PRKN: variants seen among roughly 807,000 people sequenced by gnomAD.
PRKN encodes the protein parkin RBR E3 ubiquitin protein ligase.
A neutral mutation model predicts 59.5 loss-of-function variants in PRKN; 56 were observed. The observed-to-expected ratio is 0.94, with a 90% CI of 0.76 to 1.18. The LOEUF (loss-of-function observed/expected upper bound fraction) is 1.18, where lower values mean the gene tolerates loss of function less well. PRKN is among the 50% of genes most tolerant of loss of function. The pLI, the probability that PRKN is intolerant of heterozygous loss-of-function variation, is 0.00. For missense variants in PRKN, 657 were observed against 596.4 expected (o/e 1.10, Z -1.06); for synonymous variants, 250 against 222.1 (o/e 1.13, Z -1.12).
intron 5 of PRKN, among the ~76,000 whole-genome samples, chr6:162,045,586 T>C (rs1784220260): frequency 6.6e-6 from 1 of 152,248 alleles, no homozygotes. Context: ...AAACTGGCTT[T>C]AAGGGATTTT....
intron 1 of PRKN, among the ~76,000 whole-genome samples, chr6:162,505,327 G>A (rs962939516): frequency 6.6e-6 from 1 of 152,178 alleles, no homozygotes; most frequent in African/African-American, 2.4e-5. Flanking sequence ...ATGCATTGTG[G>A]TAGTGTCATA....
chr6:161,428,437 G>A lies in PRKN; in HGVS notation c.1084-41560C>T, dbSNP rs75033188. ...AGTCTGTGAGCTTCAGGGTCCACAC[G>A]AGCCTCATGGAGAGACAGGCGGCTG... On this transcript the variant is annotated intron_variant, in intron 9 of 11. Transcript: ENST00000366898. The surrounding 1 kb of genome is among the most constrained non-coding windows in gnomAD (Gnocchi z 4.0). 5.3e-3 allele frequency among the ~76,000 whole-genome samples: 801 copies of A among 152,220 alleles called. 14 individuals are homozygous for A. The East Asian group carries it at 0.06, about 11-fold the overall frequency.
intron 1 of PRKN, among the ~76,000 whole-genome samples, chr6:162,657,010 TCCTG>T (rs1778668948): frequency 2.0e-5 from 3 of 152,230 alleles, no homozygotes; most frequent in Non-Finnish European, 4.4e-5. Flanking sequence ...GCCTGTCGTA[TCCTG>T]CCAACTTGCC....
intron 4 of PRKN, among the ~76,000 whole-genome samples, chr6:162,103,455 C>T (rs551522964): frequency 1.3e-5 from 2 of 152,040 alleles, no homozygotes; most frequent in South Asian, 2.1e-4. Context: ...ATAATACGGA[C>T]GCAATGACTT....
intron 4 of PRKN, among the ~76,000 whole-genome samples, chr6:162,097,621 C>T (rs1779798978): frequency 6.6e-6 from 1 of 152,162 alleles, no homozygotes; most frequent in South Asian, 2.1e-4. Flanking sequence ...TCCAGTGGTT[C>T]CACCTTGCAT....
At chr6:161,935,036 G>C (rs919065690) in intron 6 of PRKN, among the ~76,000 whole-genome samples, 3 of 152,064 alleles carry the variant, frequency 2.0e-5, no homozygotes, top group Non-Finnish European at 4.4e-5. Context: ...CCTCCTCTAG[G>C]TTAAGTTTGC....
intron 3 of PRKN, among the ~76,000 whole-genome samples, chr6:162,220,635 A>T (rs560730830): frequency 6.6e-6 from 1 of 152,214 alleles, no homozygotes; most frequent in Admixed American, 6.5e-5. Context: ...AAGGTAAAAG[A>T]GGGACTAAAT....
At chr6:161,430,419 A>C (rs1043589996) in intron 9 of PRKN, among the ~76,000 whole-genome samples, 2 of 152,142 alleles carry the variant, frequency 1.3e-5, no homozygotes, top group African/African-American at 4.8e-5. Flanking sequence ...ATTTTCACCA[A>C]CTTCTGTTTA....
At chr6:161,872,523 C>G (rs1378874580) in intron 6 of PRKN, among the ~76,000 whole-genome samples, 1 of 152,154 alleles carries the variant, frequency 6.6e-6, no homozygotes, top group Non-Finnish European at 1.5e-5. Flanking sequence ...CTCCTGTCCT[C>G]AACTCCATGT....
chr6:161,457,160 G>A lies in PRKN; in HGVS notation c.1084-70283C>T, dbSNP rs1322011894. Among the ~76,000 whole-genome samples, 12 of 152,206 alleles carry A rather than the reference G, an allele frequency of 7.9e-5. No individual in the cohort carries two copies. Among genetic ancestry groups the A allele is most frequent in the Admixed American group, 6.5e-4 (10 of 15,274 alleles). On this transcript the variant is annotated intron_variant, in intron 9 of 11. Coordinates refer to ENST00000366898, the MANE Select transcript of PRKN (RefSeq NM_004562.3). This position sits in a 1 kb window ranked among gnomAD's most constrained non-coding sequence, Gnocchi z 5.0. The stretch of plus-strand genomic sequence containing the variant: ...AGGAGTTCTCCACTCGGTACACCCA[G>A]TTTTACCAAAGTTAAACCCATGAGA...
chr6:161,364,168 C>CAAAAA (rs71004043), intron 10 of PRKN, among the ~76,000 whole-genome samples: 34 of 73,700 alleles, frequency 4.6e-4, no homozygotes, highest in Middle Eastern at 8.6e-3. Flanking sequence ...GACTCCGTCT[C>CAAAAA]AAAAAAAAAA....
intron 9 of PRKN, among the ~76,000 whole-genome samples, chr6:161,479,985 C>A (rs1377592238): frequency 2.6e-5 from 4 of 152,206 alleles, no homozygotes; most frequent in Non-Finnish European, 5.9e-5. Flanking sequence ...TAAGGGCCAG[C>A]ACACAATTCC....
intron 1 of PRKN, among the ~76,000 whole-genome samples, chr6:162,593,920 C>A (rs2128214877): frequency 6.6e-6 from 1 of 152,264 alleles, no homozygotes; most frequent in Non-Finnish European, 1.5e-5. Flanking sequence ...GAGGCCAAGG[C>A]AGTGGATCAC....
At chr6:161,364,473 C>CAAAAAAAAA (rs57773007) in intron 10 of PRKN, among the ~76,000 whole-genome samples, 1 of 37,896 alleles carries the variant, frequency 2.6e-5, no homozygotes, top group Non-Finnish European at 4.4e-5. Flanking sequence ...ACCCGCCCCG[C>CAAAAAAAAA]AAAAAAAAAA....
chr6:162,338,743 C>A (rs1351139469), intron 2 of PRKN, among the ~76,000 whole-genome samples: 2 of 151,082 alleles, frequency 1.3e-5, no homozygotes, highest in East Asian at 4.0e-4. Flanking sequence ...CCCCTCTGCC[C>A]GGCTGCCCAG....
chr6:161,771,094 T>C (rs959525991), intron 7 of PRKN, among the ~76,000 whole-genome samples: 7 of 151,876 alleles, frequency 4.6e-5, no homozygotes, highest in African/African-American at 7.3e-5. Flanking sequence ...CAGTGGCTCA[T>C]GCCTGTAATC....
At chr6:161,432,355 ATTTTTT>A (rs1188841520) in intron 9 of PRKN, among the ~76,000 whole-genome samples, 19 of 92,182 alleles carry the variant, frequency 2.1e-4, no homozygotes, top group African/African-American at 5.4e-4. Flanking sequence ...ACTTCCTCTG[ATTTTTT>A]TTTTTTTTTT....
chr6:161,640,672 G>A (rs1234301971), intron 7 of PRKN, among the ~76,000 whole-genome samples: 3 of 152,038 alleles, frequency 2.0e-5, no homozygotes, highest in African/African-American at 2.4e-5. Context: ...CTTTACCACC[G>A]AGGTTTCTTT....
intron 1 of PRKN, among the ~76,000 whole-genome samples, chr6:162,566,349 T>C (rs1371452770): frequency 2.0e-5 from 3 of 151,992 alleles, no homozygotes; most frequent in South Asian, 4.1e-4. Flanking sequence ...AACAAAAAGT[T>C]GGTTTCTTGA....
Sources: gnomAD v4.1 joint callset for allele counts (sites outside exome capture counted in the v4.1 genomes callset) on GRCh38, gnomAD v4.1.1 for gene constraint, Gnocchi (gnomAD v3.1) non-coding constraint, MANE v1.5 for transcripts, NCBI Gene and HGNC (gene_info 2026-07-23, HGNC 2026-07-21) for gene names.